The following LYPLAL1 variants were observed in gnomAD, a reference collection of about 807,000 sequenced individuals.
The protein encoded by LYPLAL1 is lysophospholipase-like protein 1.
Under a neutral mutation model 19.7 loss-of-function variants are expected in LYPLAL1, and 23 were observed. The observed-to-expected ratio is 1.17, with a 90% CI of 0.84 to 1.65. LYPLAL1 has a LOEUF of 1.65. LYPLAL1 is among the 40% of genes most tolerant of loss of function. The pLI is 0.00. For synonymous variants in LYPLAL1, 119 were observed against 96.3 expected (o/e 1.24, Z -1.38); for missense variants, 355 against 279.4 (o/e 1.27, Z -1.93).
the LYPLAL1 span, among the ~76,000 whole-genome samples, chr1:219,444,878 A>AC: frequency 6.6e-6 from 1 of 151,604 alleles, no homozygotes; most frequent in Non-Finnish European, 1.5e-5. Flanking sequence ...TACTCCCATT[A>AC]TTTTTTTTTA....
chr1:219,295,663 G>A, the LYPLAL1 span, among the ~76,000 whole-genome samples: 11 of 152,194 alleles, frequency 7.2e-5, no homozygotes, highest in African/African-American at 2.4e-4. Flanking sequence ...AGAGTTTTCA[G>A]ATTGCCAGAG....
At chr1:219,200,202 C>T in intron 3 of LYPLAL1, 1 of 258,180 alleles carries the variant, frequency 3.9e-6, no homozygotes, top group Non-Finnish European at 7.8e-6. Flanking sequence ...TGGCTTAGAT[C>T]AGCCAAATAA....
At chr1:219,270,654 T>G in the LYPLAL1 span, 1 of 152,208 alleles carries the variant, frequency 6.6e-6, no homozygotes, top group South Asian at 2.1e-4. Flanking sequence ...CAGGTAGCTC[T>G]TTCCTATTGG....
the LYPLAL1 span, among the ~76,000 whole-genome samples, chr1:219,244,140 T>C: frequency 6.6e-6 from 1 of 151,972 alleles, no homozygotes; most frequent in Non-Finnish European, 1.5e-5. Flanking sequence ...ATAAATGCAA[T>C]TGGAAAACCA....
chr1:219,379,586 C>T, the LYPLAL1 span, among the ~76,000 whole-genome samples: 1 of 152,154 alleles, frequency 6.6e-6, no homozygotes, highest in East Asian at 1.9e-4. Flanking sequence ...CAAAGTCATT[C>T]TCAGGAGTTC....
chr1:219,237,347 T>A, the LYPLAL1 span, among the ~76,000 whole-genome samples: 4 of 152,238 alleles, frequency 2.6e-5, no homozygotes, highest in Admixed American at 2.0e-4. Context: ...GTGGATTATA[T>A]ATTAACCAAG....
chr1:219,431,328 T>C, the LYPLAL1 span, among the ~76,000 whole-genome samples: 4 of 152,196 alleles, frequency 2.6e-5, no homozygotes, highest in Admixed American at 2.6e-4. Context: ...CAAATACTTG[T>C]GAATGCTACC....
intron 3 of LYPLAL1, among the ~76,000 whole-genome samples, chr1:219,194,070 T>G (rs1481134557): frequency 1.3e-5 from 2 of 151,908 alleles, no homozygotes; most frequent in Non-Finnish European, 2.9e-5. Context: ...AACTGTCTGT[T>G]GAGTCATGAG....
At chr1:219,441,474 T>G in the LYPLAL1 span, among the ~76,000 whole-genome samples, 4 of 152,204 alleles carry the variant, frequency 2.6e-5, no homozygotes, top group Non-Finnish European at 5.9e-5. Flanking sequence ...GATAATTGTT[T>G]AAGAAGGAAA....
chr1:219,292,614 C>G, the LYPLAL1 span, among the ~76,000 whole-genome samples: 21 of 152,174 alleles, frequency 1.4e-4, 1 homozygote, highest in Admixed American at 2.6e-4. Context: ...CCTTTTACAC[C>G]TCATCTAGTC....
chr1:219,430,287 CAAAAA>C, the LYPLAL1 span, among the ~76,000 whole-genome samples: 1 of 69,780 alleles, frequency 1.4e-5, no homozygotes, highest in East Asian at 5.4e-4. Context: ...GATCCTAGCT[CAAAAA>C]AAAAAAAAAA....
At chr1:219,260,109 A>C in the LYPLAL1 span, among the ~76,000 whole-genome samples, 1 of 152,018 alleles carries the variant, frequency 6.6e-6, no homozygotes, top group Non-Finnish European at 1.5e-5. Flanking sequence ...TTAAAAGAAG[A>C]AAAATGAAGA....
the LYPLAL1 span, among the ~76,000 whole-genome samples, chr1:219,393,407 GAT>G: frequency 6.6e-3 from 1,002 of 152,238 alleles, 5 homozygotes; most frequent in Non-Finnish European, 0.011. Context: ...ACAGGATCCA[GAT>G]ATGCCCTGCC....
intron 2 of LYPLAL1, among the ~76,000 whole-genome samples, chr1:219,179,718 C>A (rs1388211560): frequency 6.6e-6 from 1 of 152,102 alleles, no homozygotes; most frequent in Non-Finnish European, 1.5e-5. Context: ...ATCAGTAAAC[C>A]AGAATAGGAA....
chr1:219,417,113 T>C, the LYPLAL1 span, among the ~76,000 whole-genome samples: 6 of 152,198 alleles, frequency 3.9e-5, no homozygotes, highest in Admixed American at 3.9e-4. Context: ...AACTATATCC[T>C]TTGAAAGAAG....
intron 2 of LYPLAL1, among the ~76,000 whole-genome samples, chr1:219,182,195 A>G (rs1052835341): frequency 1.3e-5 from 2 of 152,082 alleles, no homozygotes; most frequent in Non-Finnish European, 2.9e-5. Context: ...ATTGAGGAGC[A>G]CTGCGGTATC....
At chr1:219,365,219 G>T in the LYPLAL1 span, among the ~76,000 whole-genome samples, 4 of 151,998 alleles carry the variant, frequency 2.6e-5, no homozygotes, top group Non-Finnish European at 5.9e-5. Context: ...TTTTTTAAAG[G>T]ATCAGTAAGT....
the LYPLAL1 span, among the ~76,000 whole-genome samples, chr1:219,336,115 G>A: frequency 6.6e-6 from 1 of 151,500 alleles, no homozygotes; most frequent in Non-Finnish European, 1.5e-5. Context: ...CTTGGCACAG[G>A]TGTTACATCA....
At chr1:219,380,208 G>C in the LYPLAL1 span, among the ~76,000 whole-genome samples, 1 of 152,192 alleles carries the variant, frequency 6.6e-6, no homozygotes, top group Non-Finnish European at 1.5e-5. Flanking sequence ...AACAGGCTTA[G>C]AACTGCAAGA....
Sources: gnomAD v4.1 joint callset for allele counts (sites outside exome capture counted in the v4.1 genomes callset) on GRCh38, gnomAD v4.1.1 for gene constraint, MANE v1.5 for transcripts, NCBI Gene and HGNC (gene_info 2026-07-23, HGNC 2026-07-21) for gene names.